The following GINM1 variants were observed in gnomAD, a reference collection of about 807,000 sequenced individuals.
The protein encoded by GINM1 is glycoprotein integral membrane protein 1.
A neutral mutation model predicts 37.8 loss-of-function variants in GINM1; 29 were observed. That is an observed-to-expected ratio of 0.77 (90% CI 0.57 to 1.05). GINM1 has a LOEUF of 1.05. Among genes scored for constraint, GINM1 ranks in the 50% least tolerant of loss-of-function variants. GINM1 has a pLI of 0.00. For missense variants in GINM1, 377 were observed against 397.9 expected, an observed-to-expected ratio of 0.95 and a Z score of 0.45; for synonymous variants, 143 against 146.2, an observed-to-expected ratio of 0.98 and a Z score of 0.16.
intron 6 of GINM1, 22 bp from the exon 7 acceptor site, chr6:149,582,418 C>G (rs932678603): frequency 2.5e-6 from 4 of 1,592,906 alleles, no homozygotes; most frequent in Non-Finnish European, 3.4e-6. Flanking sequence ...ACTTGCATAT[C>G]TAATCGAAAT....
At chr6:149,568,942 C>G (rs1562269416) in intron 1 of GINM1, among the ~76,000 whole-genome samples, 2 of 151,902 alleles carry the variant, frequency 1.3e-5, no homozygotes, top group Admixed American at 1.3e-4. Flanking sequence ...AGTGATTCTC[C>G]TATCTCAGCC....
chr6:149,574,868 A>G (rs540222322), intron 3 of GINM1, among the ~76,000 whole-genome samples: 2 of 152,346 alleles, frequency 1.3e-5, no homozygotes, highest in African/African-American at 2.4e-5. Flanking sequence ...ACCCTGTCTC[A>G]AAAAATGAAT....
intron 1 of GINM1, among the ~76,000 whole-genome samples, chr6:149,569,186 A>T (rs936712427): frequency 8.5e-5 from 13 of 152,062 alleles, no homozygotes; most frequent in African/African-American, 3.1e-4. Flanking sequence ...GGCTCCCGCC[A>T]CTGCGCCCAG....
chr6:149,576,046 A>G (rs953500933), intron 3 of GINM1: 4 of 152,296 alleles, frequency 2.6e-5, no homozygotes, highest in African/African-American at 9.6e-5. Flanking sequence ...TTAACCCAGA[A>G]ATCAGTGGCC....
intron 1 of GINM1, among the ~76,000 whole-genome samples, chr6:149,570,140 A>T (rs1378165484): frequency 2.0e-3 from 5 of 2,490 alleles, no homozygotes; most frequent in South Asian, 0.016. Flanking sequence ...TAGGTTTTAT[A>T]TATATATATA....
chr6:149,575,430 G>A (rs1462044509), intron 3 of GINM1, among the ~76,000 whole-genome samples: 1 of 152,188 alleles, frequency 6.6e-6, no homozygotes, highest in Admixed American at 6.5e-5. Flanking sequence ...TCCCCTGCTG[G>A]GTGAGACTGC....
chr6:149,583,523 G>C (rs968015029), intron 7 of GINM1, among the ~76,000 whole-genome samples: 6 of 151,942 alleles, frequency 3.9e-5, no homozygotes, highest in African/African-American at 1.5e-4. Flanking sequence ...CAGCTTCTTG[G>C]GAGGCTGAGG....
intron 1 of GINM1, among the ~76,000 whole-genome samples, chr6:149,568,567 CAATGTA>C (rs1417662691): frequency 6.6e-6 from 1 of 152,286 alleles, no homozygotes; most frequent in Admixed American, 6.5e-5. Flanking sequence ...TAATTTTAAT[CAATGTA>C]AATGTAAATA....
chr6:149,572,703 C>T, intron 3 of GINM1, 100 bp downstream of exon 3: 1 of 774,028 alleles, frequency 1.3e-6, no homozygotes, highest in Non-Finnish European at 2.3e-6. Flanking sequence ...GCTCTGTCAC[C>T]CAGGCTGGAG....
intron 7 of GINM1, among the ~76,000 whole-genome samples, chr6:149,588,215 T>A (rs894428104): frequency 1.3e-5 from 2 of 152,226 alleles, no homozygotes; most frequent in Non-Finnish European, 2.9e-5. Flanking sequence ...CTTTTTTGGT[T>A]TTGCTACTAA....
At chr6:149,589,262 AATTTATTT>A (rs201207313) in intron 7 of GINM1, among the ~76,000 whole-genome samples, 1 of 149,700 alleles carries the variant, frequency 6.7e-6, no homozygotes, top group African/African-American at 2.5e-5. Flanking sequence ...ATTTTCTTAA[AATTTATTT>A]ATTTATTTAT....
At chr6:149,569,582 C>T (rs1777778111) in intron 1 of GINM1, among the ~76,000 whole-genome samples, 1 of 152,122 alleles carries the variant, frequency 6.6e-6, no homozygotes, top group Non-Finnish European at 1.5e-5. Flanking sequence ...AGGTGATCCA[C>T]CCGCCTCAGC....
rs1777727465 is a variant in GINM1, at chr6:149,566,867, C to G, written c.120+333C>G. Among the ~76,000 whole-genome samples, 1 of 152,226 alleles carries G rather than the reference C, an allele frequency of 6.6e-6. No individual in the cohort carries two copies. Among genetic ancestry groups the G allele is most frequent in the South Asian group, 2.1e-4 (1 of 4,836 alleles). On this transcript the variant is annotated intron_variant, in intron 1 of 7. Coordinates refer to ENST00000367419, the MANE Select transcript of GINM1 (RefSeq NM_138785.5). The surrounding 1 kb of genome is among the most constrained non-coding windows in gnomAD (Gnocchi z 4.4). ...ATCAGGCCTTCGTAATGGCGCCTTC[C>G]CGGGGTAGAGCCAGCGCTTGGGCAA...
Position 149,590,921 on chromosome 6 carries a change from AGAATCAGT to A in GINM1, c.*84_*91del. On this transcript the variant is annotated 3_prime_UTR_variant, in exon 8 of 8. Coordinates refer to ENST00000367419, the MANE Select transcript of GINM1 (RefSeq NM_138785.5). The stretch of plus-strand genomic sequence containing the variant: ...GAATATAATTTTCTTTAAATCGTTA[AGAATCAGT>A]TTATACACTAGAGAAATTGCTAAAC... 1 of 674,436 alleles carries A rather than the reference AGAATCAGT, an allele frequency of 1.5e-6. No homozygotes were observed. 41.8% of individuals were successfully genotyped at this position (674,436 alleles called of 1,614,324 possible). A position where few individuals can be genotyped will look rare whatever the true frequency, so the allele number is the denominator to read the frequency against.
chr6:149,578,051 G>A (rs978202108), intron 3 of GINM1: 3 of 152,104 alleles, frequency 2.0e-5, no homozygotes, highest in East Asian at 1.9e-4. Context: ...GTCACTAATC[G>A]GGGAAAGGAT....
At chr6:149,590,355 C>G (rs2115064870) in intron 7 of GINM1, among the ~76,000 whole-genome samples, 1 of 152,220 alleles carries the variant, frequency 6.6e-6, no homozygotes, top group South Asian at 2.1e-4. Context: ...ACAAAAAGAG[C>G]AACACTATCT....
intron 1 of GINM1, among the ~76,000 whole-genome samples, chr6:149,569,815 G>A (rs982044237): frequency 6.6e-6 from 1 of 151,968 alleles, no homozygotes; most frequent in Non-Finnish European, 1.5e-5. Flanking sequence ...TCCCCAGTGG[G>A]CATCCTATGA....
At chr6:149,569,086 G>A (rs1033340152) in intron 1 of GINM1, among the ~76,000 whole-genome samples, 7 of 152,100 alleles carry the variant, frequency 4.6e-5, no homozygotes, top group African/African-American at 1.4e-4. Context: ...GGAGTGCACT[G>A]GCATGATCTC....
Position 149,566,531 on chromosome 6 carries a change from A to C in GINM1, c.117A>C (p.Pro39=). Residue 39 remains proline, a synonymous_variant, in exon 1 of 8, where the codon CCA becomes CCC. Coordinates refer to ENST00000367419, the MANE Select transcript of GINM1 (RefSeq NM_138785.5). This position sits in a 1 kb window ranked among gnomAD's most constrained non-coding sequence, Gnocchi z 4.4. Reference sequence around the variant, plus strand: ...AGCCGCCGCCGCTGTCCGGAGCCCCACAGGTAGGGCAGGGCGGGCCTGGCT... The same window carrying C: ...AGCCGCCGCCGCTGTCCGGAGCCCCCCAGGTAGGGCAGGGCGGGCCTGGCT... The part of the protein sequence containing the change: ...APEPPPLSGA[P]QDGIRINVTT... The C allele has an allele frequency of 6.6e-7, 1 of 1,521,626 alleles. No homozygotes were observed. Among genetic ancestry groups the C allele is most frequent in the African/African-American group, 1.4e-5 (1 of 70,540 alleles). 94.3% of individuals were successfully genotyped at this position (1,521,626 alleles called of 1,614,324 possible).
Sources: gnomAD v4.1 joint callset for allele counts (sites outside exome capture counted in the v4.1 genomes callset) on GRCh38, gnomAD v4.1.1 for gene constraint, Gnocchi (gnomAD v3.1) non-coding constraint, MANE v1.5 for transcripts, NCBI Gene and HGNC (gene_info 2026-07-23, HGNC 2026-07-21) for gene names.